TPRG1: variants seen among roughly 807,000 people sequenced by gnomAD.
TPRG1 encodes tumor protein p63-regulated gene 1 protein.
TPRG1 carries 29 observed loss-of-function variants against 29.3 expected under a neutral mutation model. The ratio of observed to expected loss-of-function variants is 0.99; its 90% CI spans 0.74 to 1.35. The LOEUF is 1.35. Among genes scored for constraint, TPRG1 ranks in the 40% most tolerant of loss-of-function variants. TPRG1 has a pLI of 0.00. For missense variants in TPRG1, 327 were observed against 335.0 expected (o/e 0.98, Z 0.19); for synonymous variants, 130 against 116.8 (o/e 1.11, Z -0.73).
At chr3:189,250,179 A>C (rs969210551) in intron 4 of TPRG1, among the ~76,000 whole-genome samples, 2 of 152,086 alleles carry the variant, frequency 1.3e-5, no homozygotes, top group African/African-American at 2.4e-5. Context: ...TAGAGTGGGG[A>C]AGCCTGTGCC....
rs1449634564 is a variant in TPRG1, at chr3:189,320,622, TCAG to T, written c.634-3_634-1del. Reference sequence around the variant, plus strand: ...ACTTTGTGCCTTCTTTTTTTCTTCTTCAGTTGTCTGGGTTCATGTCTAAGCTTG... The same window carrying T: ...ACTTTGTGCCTTCTTTTTTTCTTCTTTTGTCTGGGTTCATGTCTAAGCTTG... On this transcript the variant is annotated splice_acceptor_variant and splice_polypyrimidine_tract_variant and intron_variant, in intron 5 of 5. Transcript: ENST00000345063. LOFTEE classifies it high-confidence loss of function. 1.3e-6 allele frequency: 2 copies of T among 1,594,426 alleles called. No homozygotes were observed. The highest frequency in any genetic ancestry group is 1.8e-5 in the Admixed American group (1 of 55,644).
intron 1 of TPRG1, chr3:189,121,423 T>C (rs953747972): frequency 6.6e-6 from 1 of 152,192 alleles, no homozygotes; most frequent in Non-Finnish European, 1.5e-5. Flanking sequence ...TCTGTACCCC[T>C]CCTTCTCTTT....
In TPRG1 at chr3:189,213,633, T is replaced by A. The variant is rs145616369; in HGVS notation, c.211-1659T>A. Among the ~76,000 whole-genome samples the A allele has an allele frequency of 2.5e-3, 380 of 152,326 alleles. 3 individuals are homozygous for A. The highest frequency in any genetic ancestry group is 7.8e-3 in the African/African-American group (326 of 41,574). Reference sequence around the variant, plus strand: ...ACAGCAAAACATCACCTTCATCTTCTGTCTTCATCACATTCGTTACTACCC... The same window carrying A: ...ACAGCAAAACATCACCTTCATCTTCAGTCTTCATCACATTCGTTACTACCC... On this transcript the variant is annotated intron_variant, in intron 2 of 5. Coordinates refer to ENST00000345063, the MANE Select transcript of TPRG1 (RefSeq NM_198485.4).
At chr3:189,040,496 C>T (rs2152134203) in intron 4 of TPRG1, among the ~76,000 whole-genome samples, 1 of 152,040 alleles carries the variant, frequency 6.6e-6, no homozygotes, top group East Asian at 1.9e-4. Flanking sequence ...TCTTCTCTTG[C>T]TCTCAAAATA....
At chr3:189,237,325 A>T (rs186851030) in intron 3 of TPRG1, among the ~76,000 whole-genome samples, 5 of 152,132 alleles carry the variant, frequency 3.3e-5, no homozygotes, top group Admixed American at 6.5e-5. Context: ...TCACACACAC[A>T]GGGTTGGTGC....
intron 3 of TPRG1, among the ~76,000 whole-genome samples, chr3:189,229,703 TGA>T (rs1357545345): frequency 6.6e-6 from 1 of 152,182 alleles, no homozygotes; most frequent in Admixed American, 6.5e-5. Context: ...AGACCACTCT[TGA>T]GAGAGTAGCT....
At chr3:189,182,562 G>T (rs1448746795) in intron 1 of TPRG1, among the ~76,000 whole-genome samples, 1 of 152,078 alleles carries the variant, frequency 6.6e-6, no homozygotes, top group East Asian at 1.9e-4. Flanking sequence ...GAGGAATTTG[G>T]CCATGTATAC....
At chr3:189,101,446 T>G (rs2152191252) in intron 1 of TPRG1, among the ~76,000 whole-genome samples, 1 of 152,230 alleles carries the variant, frequency 6.6e-6, no homozygotes. Context: ...ATCCAAGTCC[T>G]CCACATTTCA....
chr3:189,175,696 A>G (rs1729395283), intron 1 of TPRG1, among the ~76,000 whole-genome samples: 1 of 152,246 alleles, frequency 6.6e-6, no homozygotes, highest in Non-Finnish European at 1.5e-5. Context: ...ATGTGAAGTG[A>G]GTAAGGCAAG....
intron 5 of TPRG1, among the ~76,000 whole-genome samples, chr3:189,317,744 A>G (rs1375652358): frequency 1.3e-5 from 2 of 152,168 alleles, no homozygotes; most frequent in Admixed American, 1.3e-4. Context: ...GTGAGATATT[A>G]TCGGTTGTCA....
intron 4 of TPRG1, among the ~76,000 whole-genome samples, chr3:189,250,453 C>T (rs1218072523): frequency 2.1e-5 from 3 of 142,992 alleles, no homozygotes; most frequent in Non-Finnish European, 4.5e-5. Context: ...AACTTGAAAG[C>T]CCTTTGTAAT....
At chr3:189,087,588 A>G (rs1041260564) in intron 4 of TPRG1, among the ~76,000 whole-genome samples, 2 of 152,170 alleles carry the variant, frequency 1.3e-5, no homozygotes, top group Non-Finnish European at 2.9e-5. Context: ...GCCCATGCCT[A>G]TGTCCTGAAT....
intron 3 of TPRG1, among the ~76,000 whole-genome samples, chr3:189,133,619 TC>T (rs1383964285): frequency 6.6e-6 from 1 of 152,182 alleles, no homozygotes; most frequent in African/African-American, 2.4e-5. Flanking sequence ...GATTGTGAGT[TC>T]CCTGAGGCCT....
chr3:189,086,695 T>A (rs6792823), intron 4 of TPRG1, among the ~76,000 whole-genome samples: 7,062 of 151,966 alleles, frequency 0.046, 535 homozygotes, highest in African/African-American at 0.16. Flanking sequence ...GCCCAGCTAA[T>A]TTTTTGTATT....
rs567463756 is a variant in TPRG1 at position 189,321,014 on chromosome 3, A to G, written c.*194A>G. On this transcript the variant is annotated 3_prime_UTR_variant, in exon 6 of 6. Transcript: ENST00000345063. Reference sequence around the variant, plus strand: ...TACACACTTTAGACCTCATACAAGAATAATCAAATTTTCTTAAAACTAGAA... The same window carrying G: ...TACACACTTTAGACCTCATACAAGAGTAATCAAATTTTCTTAAAACTAGAA... The G allele has an allele frequency of 4.5e-6, 2 of 440,892 alleles. No homozygotes were observed. Among genetic ancestry groups the G allele is most frequent in the South Asian group, 1.5e-4 (2 of 13,368 alleles). The allele number at this position is 440,892 out of a possible 1,614,324, so 27.3% of individuals were successfully genotyped here. A position where few individuals can be genotyped will look rare whatever the true frequency, so the allele number is the denominator to read the frequency against.
At chr3:189,318,961 G>A (rs1723969540) in intron 5 of TPRG1, among the ~76,000 whole-genome samples, 1 of 152,134 alleles carries the variant, frequency 6.6e-6, no homozygotes, top group Non-Finnish European at 1.5e-5. Flanking sequence ...GACTTCAGGA[G>A]TTAAGTCAGG....
At chr3:189,253,786 C>A (rs1459867328) in intron 4 of TPRG1, among the ~76,000 whole-genome samples, 1 of 152,148 alleles carries the variant, frequency 6.6e-6, no homozygotes, top group Admixed American at 6.5e-5. Context: ...TTTTAATGAT[C>A]ACAATTCTAA....
upstream of TPRG1, among the ~76,000 whole-genome samples, chr3:189,099,937 C>G (rs1718990068): frequency 6.6e-6 from 1 of 152,198 alleles, no homozygotes; most frequent in African/African-American, 2.4e-5. Context: ...GGACACCTGT[C>G]TTTTGTCCCA....
intron 4 of TPRG1, among the ~76,000 whole-genome samples, chr3:189,075,720 G>C (rs1158737834): frequency 6.6e-6 from 1 of 152,130 alleles, no homozygotes; most frequent in Non-Finnish European, 1.5e-5. Context: ...TATTTTTACA[G>C]TCCCACTTCC....
Sources: gnomAD v4.1 joint callset for allele counts (sites outside exome capture counted in the v4.1 genomes callset) on GRCh38, gnomAD v4.1.1 for gene constraint, MANE v1.5 for transcripts, NCBI Gene and HGNC (gene_info 2026-07-23, HGNC 2026-07-21) for gene names.